Variants in ZNF652 observed in about 807,000 individuals in gnomAD.
ZNF652 encodes the protein zinc finger protein 652.
Under a neutral mutation model 45.2 loss-of-function variants are expected in ZNF652, and 16 were observed. The observed-to-expected ratio is 0.35, with a 90% CI of 0.24 to 0.54. The LOEUF is 0.54. Among genes scored for constraint, ZNF652 ranks in the 20% least tolerant of loss-of-function variants. ZNF652 has a pLI of 0.91. For synonymous variants in ZNF652, 250 were observed against 260.6 expected (o/e 0.96, Z 0.39); for missense variants, 614 against 765.6 (o/e 0.80, Z 2.34).
At chr17:49,350,704 T>C (rs1396770520) in intron 1 of ZNF652, among the ~76,000 whole-genome samples, 3 of 151,212 alleles carry the variant, frequency 2.0e-5, no homozygotes, top group African/African-American at 7.3e-5. Flanking sequence ...GTGCAGTGGC[T>C]CACAGCTGTA....
intron 2 of ZNF652, among the ~76,000 whole-genome samples, chr17:49,315,574 A>C (rs62076403): frequency 8.4e-5 from 12 of 143,290 alleles, no homozygotes; most frequent in East Asian, 4.1e-4. Flanking sequence ...AAAAAAAAAA[A>C]CCCACAAAAC....
intron 2 of ZNF652, among the ~76,000 whole-genome samples, chr17:49,315,205 C>A (rs2069784578): frequency 6.6e-6 from 1 of 151,814 alleles, no homozygotes; most frequent in Admixed American, 6.6e-5. Context: ...CCACACCTGG[C>A]TAATTTTGTA....
chr17:49,303,856 A>G (rs925943586), intron 5 of ZNF652, among the ~76,000 whole-genome samples: 6 of 149,702 alleles, frequency 4.0e-5, no homozygotes, highest in Non-Finnish European at 5.9e-5. Flanking sequence ...CCCTTCCTGG[A>G]CCTCTCTAAT....
At chr17:49,302,255 GAAC>G (rs199691922) in intron 5 of ZNF652, among the ~76,000 whole-genome samples, 179 of 150,100 alleles carry the variant, frequency 1.2e-3, no homozygotes, top group African/African-American at 4.2e-3. Context: ...TGCTGTGTCA[GAAC>G]AACAACAACA....
intron 5 of ZNF652, among the ~76,000 whole-genome samples, chr17:49,308,707 C>G (rs1216154602): frequency 6.6e-6 from 1 of 150,902 alleles, no homozygotes; most frequent in Non-Finnish European, 1.5e-5. Context: ...GAGGTTGAGG[C>G]AGGAAAATTG....
In ZNF652 at chr17:49,298,323, C is replaced by G; in HGVS notation, c.*90G>C. 6.6e-7 allele frequency: 1 copy of G among 1,523,716 alleles called. No individual in the cohort carries two copies. The highest frequency in any genetic ancestry group is 8.9e-7 in the Non-Finnish European group (1 of 1,124,316). 94.4% of individuals were successfully genotyped at this position (1,523,716 alleles called of 1,614,324 possible). A position where few individuals can be genotyped will look rare whatever the true frequency, so the allele number is the denominator to read the frequency against. On this transcript the variant is annotated 3_prime_UTR_variant, in exon 6 of 6. Coordinates refer to ENST00000430262, the MANE Select transcript of ZNF652 (RefSeq NM_001145365.3). The stretch of plus-strand genomic sequence containing the variant: ...GCTCTTGGTAGAGGCGGAGGAGAGT[C>G]TGAGAACTAAGGAAATGCTCACCGA...
intron 1 of ZNF652, among the ~76,000 whole-genome samples, chr17:49,319,801 C>T (rs2069864174): frequency 1.3e-5 from 2 of 152,082 alleles, no homozygotes; most frequent in Admixed American, 1.3e-4. Flanking sequence ...ACCACCACAC[C>T]TGGCTAATTT....
chr17:49,331,806 A>AT (rs1467754677), intron 1 of ZNF652, among the ~76,000 whole-genome samples: 1 of 152,152 alleles, frequency 6.6e-6, no homozygotes, highest in Non-Finnish European at 1.5e-5. Context: ...AAAAATTAAC[A>AT]TTTTGTATAA....
chr17:49,358,329 T>C (rs887008723), intron 1 of ZNF652, among the ~76,000 whole-genome samples: 1 of 152,192 alleles, frequency 6.6e-6, no homozygotes. Flanking sequence ...GTGCTGATTG[T>C]CAGAAATGAT....
At chr17:49,351,486 TATA>T (rs911892369) in intron 1 of ZNF652, among the ~76,000 whole-genome samples, 8 of 152,232 alleles carry the variant, frequency 5.3e-5, no homozygotes, top group Admixed American at 4.6e-4. Flanking sequence ...GATGCAGATT[TATA>T]ATAACTGACA....
At chr17:49,313,921 G>A (rs1452370697) in intron 2 of ZNF652, among the ~76,000 whole-genome samples, 11 of 124,624 alleles carry the variant, frequency 8.8e-5, no homozygotes, top group Non-Finnish European at 1.7e-4. Context: ...GCAGTGAGCC[G>A]AGATCGTGCC....
At chr17:49,315,270 A>C (rs2069785468) in intron 2 of ZNF652, among the ~76,000 whole-genome samples, 1 of 145,902 alleles carries the variant, frequency 6.9e-6, no homozygotes, top group Non-Finnish European at 1.5e-5. Flanking sequence ...CGAACTCCTG[A>C]CCTCACGTGA....
intron 1 of ZNF652, among the ~76,000 whole-genome samples, chr17:49,340,549 C>CAAAAAAAAA (rs1040246588): frequency 8.0e-5 from 4 of 50,036 alleles, no homozygotes; most frequent in African/African-American, 2.0e-4. Flanking sequence ...GACTCTGTCT[C>CAAAAAAAAA]AAAAAAAAAA....
chr17:49,311,538 A>C (rs2069711925), intron 4 of ZNF652, 82 bp from the exon 5 acceptor site: 1 of 1,407,226 alleles, frequency 7.1e-7, no homozygotes, highest in Non-Finnish European at 9.5e-7. Context: ...CTCTGATACT[A>C]GGCTTATTTT....
chr17:49,314,282 C>T lies in ZNF652; in HGVS notation c.901-1437G>A, dbSNP rs183828344. On this transcript the variant is annotated intron_variant, in intron 2 of 5. Transcript: ENST00000430262. ...GTTCAAGCAATTCTCCTGCCTCAGC[C>T]TCCCAAGTAGCTGGGACTACAGGTG... Among the ~76,000 whole-genome samples, 1,171 of 151,920 alleles carry T rather than the reference C, an allele frequency of 7.7e-3. 21 individuals carry two copies. Among genetic ancestry groups the T allele is most frequent in the African/African-American group, 0.025 (1,023 of 41,444 alleles).
intron 5 of ZNF652, among the ~76,000 whole-genome samples, chr17:49,307,388 G>A (rs76225746): frequency 0.23 from 31,810 of 140,812 alleles, 3,660 homozygotes; most frequent in South Asian, 0.32. Context: ...CCGAGATCGG[G>A]CCATTGCACT....
In ZNF652 at chr17:49,297,727, AT is replaced by A. The variant is rs1483772895; in HGVS notation, c.*685del. On this transcript the variant is annotated 3_prime_UTR_variant, in exon 6 of 6. Coordinates refer to ENST00000430262, the MANE Select transcript of ZNF652 (RefSeq NM_001145365.3). ...GAATCACATTTTGATGATTATAAAA[AT>A]TTTTTTCTATTTTACAACATAGGTT... The A allele has an allele frequency of 2.6e-5, 4 of 152,702 alleles. No individual in the cohort carries two copies. The highest frequency in any genetic ancestry group is 6.5e-5 in the Admixed American group (1 of 15,286). The allele number at this position is 152,702 out of a possible 1,614,324, so 9.5% of individuals were successfully genotyped here. A position where few individuals can be genotyped will look rare whatever the true frequency, so the allele number is the denominator to read the frequency against.
intron 5 of ZNF652, among the ~76,000 whole-genome samples, chr17:49,304,856 A>G (rs1446938615): frequency 2.7e-5 from 4 of 147,474 alleles, no homozygotes; most frequent in African/African-American, 1.0e-4. Flanking sequence ...TGGGCAGAAT[A>G]TACATATATG....
At chr17:49,344,518 A>T (rs7220794) in intron 1 of ZNF652, among the ~76,000 whole-genome samples, 119 of 110,110 alleles carry the variant, frequency 1.1e-3, no homozygotes, top group African/African-American at 2.6e-3. Flanking sequence ...TCAAAGCAAA[A>T]TTTTTTTTTT....
Sources: gnomAD v4.1 joint callset for allele counts (sites outside exome capture counted in the v4.1 genomes callset) on GRCh38, gnomAD v4.1.1 for gene constraint, MANE v1.5 for transcripts, NCBI Gene and HGNC (gene_info 2026-07-23, HGNC 2026-07-21) for gene names.